Variants in EPCAM observed in about 807,000 individuals in gnomAD.
The protein encoded by EPCAM is adenocarcinoma-associated antigen.
EPCAM carries 39 observed loss-of-function variants against 40.0 expected under a neutral mutation model. That is an observed-to-expected ratio of 0.98 (90% CI 0.76 to 1.27). The LOEUF (loss-of-function observed/expected upper bound fraction) is 1.27. Among genes scored for constraint, EPCAM ranks in the 50% most tolerant of loss-of-function variants. EPCAM has a pLI of 0.00. For missense variants in EPCAM, 503 were observed against 381.2 expected, an observed-to-expected ratio of 1.32 and a Z score of -2.66; for synonymous variants, 168 against 132.3, an observed-to-expected ratio of 1.27 and a Z score of -1.85.
rs890085795 is a variant in EPCAM, at chr2:47,369,345, C to T, written c.-161C>T. The T allele has an allele frequency of 1.6e-6, 2 of 1,256,272 alleles. No individual in the cohort carries two copies. The highest frequency in any genetic ancestry group is 2.1e-6 in the Non-Finnish European group (2 of 960,742). The allele number at this position is 1,256,272 out of a possible 1,614,324, so 77.8% of individuals were successfully genotyped here. On this transcript the variant is annotated 5_prime_UTR_variant, in exon 1 of 9. Transcript: ENST00000263735. ...TAGTCCTTCGGCGAGCGAGCACCTT[C>T]GACGCGGTCCGGGGACCCCCTCGTC...
intron 1 of EPCAM, among the ~76,000 whole-genome samples, chr2:47,371,454 A>C (rs1192448602): frequency 6.6e-6 from 1 of 152,218 alleles, no homozygotes; most frequent in South Asian, 2.1e-4. Context: ...GATGGTGCCT[A>C]GAAGTGGAGT....
chr2:47,373,146 A>T (rs979621560), intron 1 of EPCAM, among the ~76,000 whole-genome samples: 1 of 148,692 alleles, frequency 6.7e-6, no homozygotes, highest in African/African-American at 2.5e-5. Flanking sequence ...TCCATGCTGC[A>T]GTAAACCAAG....
At chr2:47,381,613 G>A (rs185706091) in intron 7 of EPCAM, among the ~76,000 whole-genome samples, 1 of 152,160 alleles carries the variant, frequency 6.6e-6, no homozygotes. Flanking sequence ...AAAGGCGTTG[G>A]GCAGTGTATC....
In EPCAM at chr2:47,369,461, AG is replaced by A; in HGVS notation, c.-44del. On this transcript the variant is annotated 5_prime_UTR_variant, in exon 1 of 9. Coordinates refer to ENST00000263735, the MANE Select transcript of EPCAM (RefSeq NM_002354.3). ...CACTCCCGGCGCACGCCCTCCCGCGAGTCCCGGGCCCCTCCCGCGCCCCTCT... is the reference window on the plus strand; with the variant it reads ...CACTCCCGGCGCACGCCCTCCCGCGATCCCGGGCCCCTCCCGCGCCCCTCT... 7.2e-7 allele frequency: 1 copy of A among 1,390,598 alleles called. No individual in the cohort carries two copies. Among genetic ancestry groups the A allele is most frequent in the Non-Finnish European group, 9.3e-7 (1 of 1,080,972 alleles). The allele number at this position is 1,390,598 out of a possible 1,614,324, so 86.1% of individuals were successfully genotyped here.
chr2:47,380,785 A>G (rs1287437724), intron 7 of EPCAM, among the ~76,000 whole-genome samples: 2 of 152,202 alleles, frequency 1.3e-5, no homozygotes, highest in South Asian at 2.1e-4. Context: ...ATGCTTCGGT[A>G]TCAAGAAATC....
chr2:47,379,147 C>G (rs1671508221), intron 6 of EPCAM, 93 bp downstream of exon 6: 4 of 780,282 alleles, frequency 5.1e-6, no homozygotes, highest in Admixed American at 1.9e-5. Context: ...TATCCACTTA[C>G]AGATCAACCA....
chr2:47,381,951 G>C (rs1671603513), intron 7 of EPCAM, among the ~76,000 whole-genome samples: 1 of 152,068 alleles, frequency 6.6e-6, no homozygotes, highest in South Asian at 2.1e-4. Context: ...ATTTTTAGTA[G>C]AGACGAATTC....
At chr2:47,380,371 A>T (rs992826734) in intron 7 of EPCAM, among the ~76,000 whole-genome samples, 5 of 152,192 alleles carry the variant, frequency 3.3e-5, no homozygotes, top group Non-Finnish European at 7.4e-5. Flanking sequence ...CAAAACATTC[A>T]GGGAAAAAAA....
Position 47,385,233 on chromosome 2 carries a change from T to C in EPCAM, c.903+23T>C, listed in dbSNP as rs779353943. The C allele has an allele frequency of 3.1e-6, 5 of 1,597,138 alleles. No homozygotes were observed. In the South Asian group the frequency reaches 4.4e-5, roughly 14 times the overall value. On this transcript the variant is annotated intron_variant, in intron 8 of 8. Transcript: ENST00000263735. ...GAGGTAAATGGATTACTTACCTAAA[T>C]AGAAAGGCCCTGTTGAATCTCTTAC...
rs772303281 is a variant in EPCAM, at chr2:47,373,483, A to C, written c.97A>C (p.Lys33Gln). The C allele has an allele frequency of 3.1e-6, 5 of 1,612,828 alleles. No homozygotes were observed. ...TCTAGAATGTGTCTGTGAAAACTACAAGCTGGCCGTAAACTGCTTTGTGAA... is the reference window on the plus strand; with the variant it reads ...TCTAGAATGTGTCTGTGAAAACTACCAGCTGGCCGTAAACTGCTTTGTGAA... ...AQEECVCENYKLAVNCFVNNN... is the reference protein window; with the variant it reads ...AQEECVCENYQLAVNCFVNNN... The change falls in exon 2 of 9, where the codon AAG becomes CAG. Residue 33 changes from lysine (K) to glutamine (Q), a missense_variant. By Grantham distance (53) the Lys-to-Gln change is moderately conservative (BLOSUM62 1). Transcript: ENST00000263735.
rs188113877 is a variant in EPCAM at position 47,369,750 on chromosome 2, G to T, written c.76+169G>T. 3.9e-6 allele frequency: 3 copies of T among 764,830 alleles called. No homozygotes were observed. In the East Asian group the frequency reaches 8.1e-5, roughly 21 times the overall value. The allele number at this position is 764,830 out of a possible 1,614,324, so 47.4% of individuals were successfully genotyped here. ...TGCTCCGGCTCAGGCCCTCCGCGCG[G>T]TAGGAAACGGCGAGGGCCGTCCCGG... On this transcript the variant is annotated intron_variant, in intron 1 of 8. Coordinates refer to ENST00000263735, the MANE Select transcript of EPCAM (RefSeq NM_002354.3).
intron 1 of EPCAM, among the ~76,000 whole-genome samples, chr2:47,372,391 A>T (rs1010908284): frequency 2.0e-5 from 3 of 151,980 alleles, no homozygotes; most frequent in African/African-American, 7.3e-5. Context: ...TAATCCCAGC[A>T]CTTTAGGAGG....
At chr2:47,372,486 A>G (rs1419013352) in intron 1 of EPCAM, among the ~76,000 whole-genome samples, 1 of 151,978 alleles carries the variant, frequency 6.6e-6, no homozygotes, top group Non-Finnish European at 1.5e-5. Context: ...AAAAATAGAA[A>G]AAAAAAGCCG....
At chr2:47,370,909 C>A (rs538405397) in intron 1 of EPCAM, among the ~76,000 whole-genome samples, 1 of 152,080 alleles carries the variant, frequency 6.6e-6, no homozygotes, top group Non-Finnish European at 1.5e-5. Context: ...AGAGGGGTTT[C>A]GCCATGTTGG....
At chr2:47,378,788 T>A (rs1239458853) in intron 5 of EPCAM, among the ~76,000 whole-genome samples, 165 bp from the exon 6 acceptor site, 1 of 152,188 alleles carries the variant, frequency 6.6e-6, no homozygotes, top group Non-Finnish European at 1.5e-5. Flanking sequence ...TCCCAAAGAT[T>A]TCTTGATTAG....
intron 1 of EPCAM, among the ~76,000 whole-genome samples, chr2:47,371,068 C>T (rs1671249644): frequency 6.6e-6 from 1 of 152,162 alleles, no homozygotes; most frequent in African/African-American, 2.4e-5. Context: ...TGGTCTCGAA[C>T]TCCTGGGCTC....
intron 7 of EPCAM, among the ~76,000 whole-genome samples, chr2:47,384,470 A>G (rs375351565): frequency 1.3e-5 from 2 of 148,428 alleles, no homozygotes; most frequent in Admixed American, 6.7e-5. Context: ...CTGGAGTGCA[A>G]TGGCGCCATC....
At chr2:47,377,484 G>T (rs960920472) in intron 5 of EPCAM, among the ~76,000 whole-genome samples, 3 of 151,976 alleles carry the variant, frequency 2.0e-5, no homozygotes, top group Admixed American at 1.3e-4. Context: ...TGATCTGTCT[G>T]CCTCAGCCTC....
chr2:47,370,522 G>C (rs889210623), intron 1 of EPCAM, among the ~76,000 whole-genome samples: 2 of 151,418 alleles, frequency 1.3e-5, no homozygotes, highest in Non-Finnish European at 2.9e-5. Flanking sequence ...TGATCCGCCC[G>C]CCTCGGCCTC....
Sources: gnomAD v4.1 joint callset for allele counts (sites outside exome capture counted in the v4.1 genomes callset) on GRCh38, gnomAD v4.1.1 for gene constraint, MANE v1.5 for transcripts, NCBI Gene and HGNC (gene_info 2026-07-23, HGNC 2026-07-21) for gene names.